Variants in SPATA13 observed in about 807,000 individuals in gnomAD.
SPATA13 encodes the protein spermatogenesis associated 13, also known as spermatogenesis-associated protein 13.
In SPATA13, 50 loss-of-function variants were observed where a neutral mutation model predicts 104.0. That is an observed-to-expected ratio of 0.48 (90% confidence interval 0.38 to 0.61). The LOEUF (loss-of-function observed/expected upper bound fraction) is 0.61. Ranked by LOEUF, SPATA13 falls within the 20% of genes least tolerant of loss-of-function variation. The pLI, the probability that SPATA13 is intolerant of heterozygous loss-of-function variation, is 0.00. For synonymous variants in SPATA13, 606 were observed against 667.5 expected, an observed-to-expected ratio of 0.91 and a Z score of 1.42; for missense variants, 1,524 against 1,690.6, an observed-to-expected ratio of 0.90 and a Z score of 1.73.
chr13:24,080,739 C>A (rs766777078), intron 3 of SPATA13, among the ~76,000 whole-genome samples: 1 of 152,200 alleles, frequency 6.6e-6, no homozygotes, highest in Admixed American at 6.5e-5. Context: ...GGCACAGACT[C>A]ATCTTCTGTG....
chr13:24,038,208 C>T (rs531001646), intron 3 of SPATA13, among the ~76,000 whole-genome samples: 6 of 152,344 alleles, frequency 3.9e-5, no homozygotes, highest in East Asian at 3.9e-4. Flanking sequence ...CCACCGCGCC[C>T]GGCCAACTAG....
intron 3 of SPATA13, among the ~76,000 whole-genome samples, chr13:24,121,300 GCACCAC>G (rs1255770610): frequency 6.6e-6 from 1 of 151,994 alleles, no homozygotes; most frequent in East Asian, 1.9e-4. Flanking sequence ...AGAGGTGAGC[GCACCAC>G]AAAGTCAGCA....
At chr13:24,177,123 A>T (rs1012472831) in intron 1 of SPATA13, among the ~76,000 whole-genome samples, 1 of 152,166 alleles carries the variant, frequency 6.6e-6, no homozygotes, top group African/African-American at 2.4e-5. Context: ...AGGAGTTGAA[A>T]ATTACCTTGT....
chr13:24,087,298 C>G (rs537125835), intron 3 of SPATA13, among the ~76,000 whole-genome samples: 3 of 152,160 alleles, frequency 2.0e-5, no homozygotes, highest in East Asian at 1.9e-4. Flanking sequence ...CTGCTACCCA[C>G]CCCCTGCACA....
chr13:23,987,946 C>CTT (rs1302233254), intron 2 of SPATA13, among the ~76,000 whole-genome samples: 21 of 142,288 alleles, frequency 1.5e-4, no homozygotes, highest in Non-Finnish European at 2.2e-4. Flanking sequence ...TTTTGTTTCT[C>CTT]TTTTTTTTTT....
intron 2 of SPATA13, among the ~76,000 whole-genome samples, chr13:24,226,212 C>T (rs979959252): frequency 2.0e-5 from 3 of 152,198 alleles, no homozygotes; most frequent in Non-Finnish European, 2.9e-5. Context: ...CATCTGTGCC[C>T]TGAGGCTTCA....
chr13:24,303,091 C>G lies in SPATA13; in HGVS notation c.*318C>G. 2.4e-6 allele frequency: 1 copy of G among 411,962 alleles called. No individual in the cohort carries two copies. The highest frequency in any genetic ancestry group is 5.4e-5 in the East Asian group (1 of 18,554). 25.5% of individuals were successfully genotyped at this position (411,962 alleles called of 1,614,324 possible). ...TAGGCAGCAGCTGAAGCCACCCCTG[C>G]TGATGATGAGCAAGTGCCTGCTGCA... is the stretch of plus-strand genomic sequence containing the variant. On this transcript the variant is annotated 3_prime_UTR_variant, in exon 13 of 13. Coordinates refer to ENST00000382108, the MANE Select transcript of SPATA13 (RefSeq NM_001166271.3).
intron 7 of SPATA13, 121 bp from the exon 8 acceptor site, chr13:24,288,878 T>A: frequency 1.2e-6 from 1 of 840,030 alleles, no homozygotes; most frequent in Non-Finnish European, 1.8e-6. Flanking sequence ...CATCAGAGAC[T>A]CATAGAGTCT....
At chr13:24,099,979 G>A (rs1880203923) in intron 3 of SPATA13, among the ~76,000 whole-genome samples, 1 of 152,146 alleles carries the variant, frequency 6.6e-6, no homozygotes, top group South Asian at 2.1e-4. Flanking sequence ...ACCGTGACTG[G>A]CCCAGGGTCC....
At chr13:24,123,952 A>G in intron 3 of SPATA13, 2 of 525,084 alleles carry the variant, frequency 3.8e-6, no homozygotes, top group Non-Finnish European at 6.7e-6. Flanking sequence ...TAACCTGGGC[A>G]GACTCTGGCC....
chr13:24,265,064 G>A (rs1427818532), intron 4 of SPATA13, among the ~76,000 whole-genome samples: 2 of 152,196 alleles, frequency 1.3e-5, no homozygotes, highest in African/African-American at 4.8e-5. Context: ...ATGAAGAGAG[G>A]CACTTTTTCT....
At chr13:24,025,431 T>A (rs969527966) in intron 3 of SPATA13, among the ~76,000 whole-genome samples, 2 of 152,214 alleles carry the variant, frequency 1.3e-5, no homozygotes, top group Non-Finnish European at 2.9e-5. Flanking sequence ...TACTTTCCAA[T>A]GAACATTCTA....
intron 3 of SPATA13, among the ~76,000 whole-genome samples, chr13:24,021,259 A>G (rs552578373): frequency 1.1e-4 from 16 of 152,370 alleles, no homozygotes; most frequent in Non-Finnish European, 5.9e-5. Context: ...GGAGCACAGC[A>G]TAAGGAAAGA....
chr13:24,262,951 G>T lies in SPATA13; in HGVS notation c.2164+11089G>T, dbSNP rs546010307. Among the ~76,000 whole-genome samples, 5 of 152,014 alleles carry T rather than the reference G, an allele frequency of 3.3e-5. No individual in the cohort carries two copies. The East Asian group carries it at 9.7e-4, about 29-fold the overall frequency. ...GCAAATTTAAAATACATACGTTCAGGTTATTTTAAAAAAAAAGAAACTTGA... is the reference window on the plus strand; with the variant it reads ...GCAAATTTAAAATACATACGTTCAGTTTATTTTAAAAAAAAAGAAACTTGA... On this transcript the variant is annotated intron_variant, in intron 4 of 12. Transcript: ENST00000382108.
At chr13:24,065,944 G>A (rs531254907) in intron 3 of SPATA13, among the ~76,000 whole-genome samples, 3 of 152,214 alleles carry the variant, frequency 2.0e-5, no homozygotes, top group Non-Finnish European at 1.5e-5. Flanking sequence ...TGAGCTACAT[G>A]TTGTCACAGG....
upstream of SPATA13, among the ~76,000 whole-genome samples, chr13:24,158,064 A>G (rs546357983): frequency 5.2e-4 from 79 of 152,350 alleles, no homozygotes; most frequent in African/African-American, 1.9e-3. Context: ...AACAACAACA[A>G]AAAAAGCGCG....
At chr13:24,177,047 G>C (rs1473993559) in intron 1 of SPATA13, among the ~76,000 whole-genome samples, 2 of 152,166 alleles carry the variant, frequency 1.3e-5, no homozygotes, top group Admixed American at 1.3e-4. Context: ...TTACAGGCAC[G>C]AGCTGCCGCA....
At chr13:24,245,450 T>G (rs1440555653) in intron 2 of SPATA13, among the ~76,000 whole-genome samples, 2 of 152,168 alleles carry the variant, frequency 1.3e-5, no homozygotes, top group Non-Finnish European at 2.9e-5. Context: ...AAATGGACAT[T>G]TCAATTTTGT....
intron 3 of SPATA13, among the ~76,000 whole-genome samples, chr13:24,031,392 T>C (rs993005450): frequency 1.3e-5 from 2 of 152,220 alleles, no homozygotes; most frequent in African/African-American, 4.8e-5. Flanking sequence ...AGACTTCCAA[T>C]GTATTAGTTC....
Sources: gnomAD v4.1 joint callset for allele counts (sites outside exome capture counted in the v4.1 genomes callset) on GRCh38, gnomAD v4.1.1 for gene constraint, MANE v1.5 for transcripts, NCBI Gene and HGNC (gene_info 2026-07-23, HGNC 2026-07-21) for gene names.